The following CDH4 variants were observed in gnomAD, a reference collection of about 807,000 sequenced individuals.
The protein encoded by CDH4 is cadherin-4.
Under a neutral mutation model 86.0 loss-of-function variants are expected in CDH4, and 33 were observed. The observed-to-expected ratio is 0.38, with a 90% CI of 0.29 to 0.51. The LOEUF is 0.51. Among genes scored for constraint, CDH4 ranks in the 20% least tolerant of loss-of-function variants. The probability of loss-of-function intolerance (pLI) is 0.86; values close to 1 mark genes in which losing one functional copy is unlikely to be tolerated. For synonymous variants in CDH4, 555 were observed against 549.4 expected (o/e 1.01, Z -0.14); for missense variants, 1,114 against 1,307.4 (o/e 0.85, Z 2.28).
intron 2 of CDH4, among the ~76,000 whole-genome samples, chr20:61,356,459 G>A (rs140987625): frequency 1.0e-3 from 157 of 152,292 alleles, no homozygotes; most frequent in Non-Finnish European, 1.8e-3. Flanking sequence ...GAAGCCAAGC[G>A]GAGAAACACC....
chr20:61,898,835 C>CATAAAAATGCTCTAAAA (rs1985250488), intron 8 of CDH4, among the ~76,000 whole-genome samples: 1 of 152,200 alleles, frequency 6.6e-6, no homozygotes, highest in South Asian at 2.1e-4. Context: ...CTAAAAATGC[C>CATAAAAATGCTCTAAAA]ATGGGTGGTG....
At chr20:61,495,027 CAG>C (rs1423305194) in intron 2 of CDH4, among the ~76,000 whole-genome samples, 8 of 152,360 alleles carry the variant, frequency 5.3e-5, no homozygotes, top group Middle Eastern at 3.4e-3. Flanking sequence ...GTGGGAGTAA[CAG>C]GGGCTGAGTT....
At chr20:61,411,120 T>TTCCATCCATCCA (rs11473075) in intron 2 of CDH4, among the ~76,000 whole-genome samples, 176 of 146,920 alleles carry the variant, frequency 1.2e-3, no homozygotes, top group Admixed American at 2.2e-3. Context: ...CCGTCTTTCC[T>TTCCATCCATCCA]TCCATCCATC....
At chr20:61,587,257 T>G (rs1884228) in intron 2 of CDH4, among the ~76,000 whole-genome samples, 1 of 152,020 alleles carries the variant, frequency 6.6e-6, no homozygotes, top group Non-Finnish European at 1.5e-5. Flanking sequence ...GGGGGGCCAC[T>G]GAGTGACTGG....
chr20:61,831,905 C>T (rs763368071), intron 4 of CDH4, among the ~76,000 whole-genome samples: 1 of 152,234 alleles, frequency 6.6e-6, no homozygotes, highest in Non-Finnish European at 1.5e-5. Context: ...TGAGATGTGG[C>T]ACAGGCACCC....
intron 3 of CDH4, among the ~76,000 whole-genome samples, chr20:61,751,788 A>G (rs1412885089): frequency 6.6e-6 from 1 of 152,254 alleles, no homozygotes; most frequent in Non-Finnish European, 1.5e-5. Context: ...CCATTTCTAC[A>G]GAAACAACAG....
At chr20:61,519,881 A>T (rs1270965728) in intron 2 of CDH4, among the ~76,000 whole-genome samples, 1 of 152,114 alleles carries the variant, frequency 6.6e-6, no homozygotes, top group African/African-American at 2.4e-5. Flanking sequence ...GGGCCTCGTC[A>T]TGCCCACCTG....
rs910542857 is a variant in CDH4 at position 61,517,541 on chromosome 20, A to G, written c.170-226022A>G. Among the ~76,000 whole-genome samples, 4 of 152,154 alleles carry G rather than the reference A, an allele frequency of 2.6e-5. No homozygotes were observed. Among genetic ancestry groups the G allele is most frequent in the Non-Finnish European group, 4.4e-5 (3 of 68,028 alleles). On this transcript the variant is annotated intron_variant, in intron 2 of 15. Transcript: ENST00000614565. This position sits in a 1 kb window ranked among gnomAD's most constrained non-coding sequence, Gnocchi z 6.6. ...GCTTTTAAGAGTCAGACTTGTTTAT[A>G]GTCCCCCCAGTGGAGGATGAATTCA...
rs77515469 is a variant in CDH4 at position 61,762,866 on chromosome 20, G to A, written c.397-10137G>A. On this transcript the variant is annotated intron_variant, in intron 3 of 15. Coordinates refer to ENST00000614565, the MANE Select transcript of CDH4 (RefSeq NM_001794.5). ...TTACACCTTTCCAGGAGGGGGACAG[G>A]TGCACCCCAACAAGCTGACACAGAG... Among the ~76,000 whole-genome samples the A allele has an allele frequency of 7.0e-3, 1,067 of 152,324 alleles. 7 individuals carry two copies. Among genetic ancestry groups the A allele is most frequent in the Non-Finnish European group, 0.011 (726 of 68,040 alleles).
intron 3 of CDH4, among the ~76,000 whole-genome samples, chr20:61,765,895 T>C (rs1024283430): frequency 1.3e-5 from 2 of 152,046 alleles, no homozygotes; most frequent in Non-Finnish European, 2.9e-5. Flanking sequence ...TGGGGTCACC[T>C]GCCTTCCCTG....
chr20:61,410,776 G>A (rs1326465424), intron 2 of CDH4, among the ~76,000 whole-genome samples: 1 of 150,400 alleles, frequency 6.6e-6, no homozygotes, highest in East Asian at 2.0e-4. Context: ...TCATCCATCT[G>A]TCAGTCATCC....
chr20:61,928,979 AT>A (rs566102983), intron 12 of CDH4, among the ~76,000 whole-genome samples: 5 of 152,150 alleles, frequency 3.3e-5, no homozygotes, highest in African/African-American at 1.2e-4. Context: ...ACCAGTGGAA[AT>A]TTTTTATATA....
chr20:61,589,516 A>G (rs2086501988), intron 2 of CDH4, among the ~76,000 whole-genome samples: 1 of 152,242 alleles, frequency 6.6e-6, no homozygotes, highest in African/African-American at 2.4e-5. Flanking sequence ...CTATCCTCAC[A>G]TAATTCCACA....
chr20:61,673,655 A>G (rs2087414683), intron 2 of CDH4, among the ~76,000 whole-genome samples: 1 of 152,196 alleles, frequency 6.6e-6, no homozygotes, highest in South Asian at 2.1e-4. Context: ...CCAGCCTGGC[A>G]GGCTGGGGAG....
chr20:61,782,093 G>A (rs11906072), intron 4 of CDH4, among the ~76,000 whole-genome samples: 2,067 of 152,276 alleles, frequency 0.014, 53 homozygotes, highest in African/African-American at 0.045. Context: ...GATCACCTGA[G>A]GTCAGGAGTT....
At chr20:61,403,869 G>A (rs937531991) in intron 2 of CDH4, among the ~76,000 whole-genome samples, 5 of 152,190 alleles carry the variant, frequency 3.3e-5, no homozygotes, top group Non-Finnish European at 5.9e-5. Flanking sequence ...TCTACATACA[G>A]GGAGAAAATG....
intron 3 of CDH4, among the ~76,000 whole-genome samples, chr20:61,763,633 C>T (rs1013202504): frequency 3.3e-5 from 5 of 152,158 alleles, no homozygotes; most frequent in East Asian, 1.9e-4. Context: ...TCCCATGCCC[C>T]GGCCAGACCA....
intron 2 of CDH4, among the ~76,000 whole-genome samples, chr20:61,444,978 C>T (rs1269957031): frequency 2.1e-5 from 3 of 143,428 alleles, no homozygotes; most frequent in Non-Finnish European, 4.7e-5. Flanking sequence ...GGTTTCTTTG[C>T]GTGTGTGTTT....
intron 2 of CDH4, among the ~76,000 whole-genome samples, chr20:61,617,654 CAG>C (rs1321618684): frequency 6.6e-6 from 1 of 152,226 alleles, no homozygotes; most frequent in Non-Finnish European, 1.5e-5. Flanking sequence ...AAAGGTGAAG[CAG>C]GGGGCATGAA....
Sources: gnomAD v4.1 joint callset for allele counts (sites outside exome capture counted in the v4.1 genomes callset) on GRCh38, gnomAD v4.1.1 for gene constraint, Gnocchi (gnomAD v3.1) non-coding constraint, MANE v1.5 for transcripts, NCBI Gene and HGNC (gene_info 2026-07-23, HGNC 2026-07-21) for gene names.